ABLIM3: variants seen among roughly 807,000 people sequenced by gnomAD.
ABLIM3 encodes the protein actin binding LIM protein family member 3, also known as actin-binding LIM protein 3.
ABLIM3 carries 61 observed loss-of-function variants against 109.5 expected under a neutral mutation model. The ratio of observed to expected loss-of-function variants is 0.56; its 90% CI spans 0.45 to 0.69. The LOEUF (loss-of-function observed/expected upper bound fraction) is 0.69, where lower values mean the gene tolerates loss of function less well. Among genes scored for constraint, ABLIM3 ranks in the 30% least tolerant of loss-of-function variants. The probability of loss-of-function intolerance (pLI) is 0.00; values close to 1 mark genes in which losing one functional copy is unlikely to be tolerated. For synonymous variants in ABLIM3, 300 were observed against 324.8 expected (o/e 0.92, Z 0.82); for missense variants, 796 against 889.5 (o/e 0.89, Z 1.34).
chr5:149,199,538 G>T (rs1758303770), intron 4 of ABLIM3, among the ~76,000 whole-genome samples: 1 of 152,186 alleles, frequency 6.6e-6, no homozygotes, highest in African/African-American at 2.4e-5. Flanking sequence ...GACTCCCCAA[G>T]ATCACGCAAT....
At chr5:149,221,436 C>G (rs1760642012) in intron 8 of ABLIM3, among the ~76,000 whole-genome samples, 2 of 152,162 alleles carry the variant, frequency 1.3e-5, no homozygotes, top group African/African-American at 2.4e-5. Flanking sequence ...GCAAATGGTC[C>G]TTGGGAGATT....
At chr5:149,223,758 C>T (rs565419779) in intron 8 of ABLIM3, among the ~76,000 whole-genome samples, 1 of 152,248 alleles carries the variant, frequency 6.6e-6, no homozygotes, top group Admixed American at 6.5e-5. Context: ...GACCTGTTGC[C>T]CACACTCAGG....
intron 10 of ABLIM3, among the ~76,000 whole-genome samples, chr5:149,237,131 C>T (rs1752283687): frequency 6.6e-6 from 1 of 152,176 alleles, no homozygotes. Flanking sequence ...TTTGAGCCTC[C>T]ATTTCCTCAG....
chr5:149,258,734 C>G lies in ABLIM3; in HGVS notation c.*330C>G. On this transcript the variant is annotated 3_prime_UTR_variant, in exon 24 of 24. Transcript: ENST00000309868. ...AGGTGCCTGAAGAAGTCTCTCTTCTCTCTGCTTCGTGGCCCCTTTCTTAAA... is the reference window on the plus strand; with the variant it reads ...AGGTGCCTGAAGAAGTCTCTCTTCTGTCTGCTTCGTGGCCCCTTTCTTAAA... 9.8e-7 allele frequency: 1 copy of G among 1,017,234 alleles called. No individual in the cohort carries two copies. The allele number at this position is 1,017,234 out of a possible 1,614,324, so 63.0% of individuals were successfully genotyped here.
chr5:149,213,103 A>AT (rs138757721), intron 7 of ABLIM3, among the ~76,000 whole-genome samples: 3,910 of 152,296 alleles, frequency 0.026, 78 homozygotes, highest in African/African-American at 0.052. Context: ...ACAGAGCAAG[A>AT]TCCTGTCCGA....
chr5:149,255,317 G>A (rs749312821), intron 23 of ABLIM3, among the ~76,000 whole-genome samples: 3 of 152,286 alleles, frequency 2.0e-5, no homozygotes, highest in South Asian at 2.1e-4. Flanking sequence ...ATCTGGGTAC[G>A]GTTCGAGGTG....
At chr5:149,216,930 C>A in intron 7 of ABLIM3, 29 bp from the exon 8 acceptor site, 1 of 1,601,962 alleles carries the variant, frequency 6.2e-7, no homozygotes, top group South Asian at 1.1e-5. Flanking sequence ...CTGGCTCTGA[C>A]CTCCTGTTTC....
chr5:149,230,543 TG>T lies in ABLIM3; in HGVS notation c.758-105del, dbSNP rs2127544961. Reference sequence around the variant, plus strand: ...AAGCCAAGAGGGCCCTTCTGGCAGATGTGTAAGGGACATACGCTGACCACGG... The same window carrying T: ...AAGCCAAGAGGGCCCTTCTGGCAGATTGTAAGGGACATACGCTGACCACGG... On this transcript the variant is annotated intron_variant, in intron 8 of 23. Coordinates refer to ENST00000309868, the MANE Select transcript of ABLIM3 (RefSeq NM_014945.5). 4.2e-6 allele frequency: 5 copies of T among 1,202,670 alleles called. No individual in the cohort carries two copies. The South Asian group carries it at 4.9e-5, about 12-fold the overall frequency. 74.5% of individuals were successfully genotyped at this position (1,202,670 alleles called of 1,614,324 possible).
At chr5:149,153,762 A>G (rs529432028) in intron 2 of ABLIM3, among the ~76,000 whole-genome samples, 1 of 152,340 alleles carries the variant, frequency 6.6e-6, no homozygotes, top group African/African-American at 2.4e-5. Flanking sequence ...ATGGTCCCTC[A>G]GTGATTTCAG....
chr5:149,163,726 C>T (rs1159013182), intron 2 of ABLIM3, among the ~76,000 whole-genome samples: 1 of 152,106 alleles, frequency 6.6e-6, no homozygotes, highest in Non-Finnish European at 1.5e-5. Flanking sequence ...TTCTGAGGTA[C>T]TGAGGGTAGG....
chr5:149,209,328 G>A (rs1365916918), intron 6 of ABLIM3, among the ~76,000 whole-genome samples: 1 of 152,240 alleles, frequency 6.6e-6, no homozygotes, highest in East Asian at 1.9e-4. Context: ...CAGAGTGGCA[G>A]GGGCTCAGAG....
intron 5 of ABLIM3, 161 bp downstream of exon 5, chr5:149,200,589 C>T: frequency 1.5e-6 from 1 of 667,502 alleles, no homozygotes; most frequent in Non-Finnish European, 2.6e-6. Flanking sequence ...GTGGCCCAGA[C>T]TCACAAGCTT....
chr5:149,201,560 C>T (rs1409962058), intron 5 of ABLIM3, among the ~76,000 whole-genome samples: 2 of 152,152 alleles, frequency 1.3e-5, no homozygotes, highest in Admixed American at 6.5e-5. Context: ...CCCTCCCTTG[C>T]CTGCTCTTCC....
intron 3 of ABLIM3, among the ~76,000 whole-genome samples, chr5:149,195,287 T>C (rs1757853397): frequency 6.6e-6 from 1 of 152,226 alleles, no homozygotes; most frequent in Non-Finnish European, 1.5e-5. Context: ...ATTCTGGGGC[T>C]GTGTGCAAGT....
intron 3 of ABLIM3, among the ~76,000 whole-genome samples, chr5:149,185,163 A>C (rs1391498199): frequency 6.6e-6 from 1 of 152,186 alleles, no homozygotes; most frequent in African/African-American, 2.4e-5. Context: ...CCAATCGTTT[A>C]TTTAGTTCAT....
At chr5:149,187,767 C>CA (rs1187253552) in intron 3 of ABLIM3, among the ~76,000 whole-genome samples, 1 of 152,208 alleles carries the variant, frequency 6.6e-6, no homozygotes, top group Admixed American at 6.5e-5. Context: ...CACCCTAACT[C>CA]ATTCAGATTA....
intron 5 of ABLIM3, among the ~76,000 whole-genome samples, chr5:149,201,752 C>T (rs1207388965): frequency 6.6e-6 from 1 of 152,126 alleles, no homozygotes; most frequent in Non-Finnish European, 1.5e-5. Flanking sequence ...AACAAGGAGG[C>T]TGGGATATGG....
Position 149,200,312 on chromosome 5 carries a change from G to C in ABLIM3, c.336-4G>C. 1 of 1,613,914 alleles carries C rather than the reference G, an allele frequency of 6.2e-7. No homozygotes were observed. The highest frequency in any genetic ancestry group is 8.5e-7 in the Non-Finnish European group (1 of 1,179,800). The stretch of plus-strand genomic sequence containing the variant: ...GTTGAATTTCTCCCTCATCCCACTT[G>C]CAGGAAGCCTTTCCCCATTGGAGAC... On this transcript the variant is annotated splice_region_variant and splice_polypyrimidine_tract_variant and intron_variant, in intron 4 of 23. Transcript: ENST00000309868.
intron 14 of ABLIM3, among the ~76,000 whole-genome samples, chr5:149,241,193 C>A (rs1240598933): frequency 6.6e-6 from 1 of 152,206 alleles, no homozygotes; most frequent in Non-Finnish European, 1.5e-5. Flanking sequence ...CACTGTTATT[C>A]CTTCTGTACA....
Sources: gnomAD v4.1 joint callset for allele counts (sites outside exome capture counted in the v4.1 genomes callset) on GRCh38, gnomAD v4.1.1 for gene constraint, MANE v1.5 for transcripts, NCBI Gene and HGNC (gene_info 2026-07-23, HGNC 2026-07-21) for gene names.